Variants in LRP1B observed in about 807,000 individuals in gnomAD.
LRP1B encodes the protein low-density lipoprotein receptor-related protein 1B.
A neutral mutation model predicts 556.6 loss-of-function variants in LRP1B; 217 were observed. That is an observed-to-expected ratio of 0.39 (90% CI 0.35 to 0.44). LRP1B has a LOEUF of 0.44. Among genes scored for constraint, LRP1B ranks in the 20% least tolerant of loss-of-function variants. The pLI is 1.00. For synonymous variants in LRP1B, 2,047 were observed against 1,865.8 expected (o/e 1.10, Z -2.50); for missense variants, 5,053 against 5,620.8 (o/e 0.90, Z 3.23).
rs1437631430 is a variant in LRP1B, at chr2:140,231,967, A to G, written c.*1219T>C. On this transcript the variant is annotated 3_prime_UTR_variant, in exon 91 of 91. Transcript: ENST00000389484. The stretch of plus-strand genomic sequence containing the variant: ...TCGTTTCAACTCAAATTTGAAGATA[A>G]ACAAACCAAACGTGAATGGGGTCCA... The G allele has an allele frequency of 6.6e-6, 1 of 151,750 alleles. No homozygotes were observed. The highest frequency in any genetic ancestry group is 2.0e-4 in the East Asian group (1 of 5,088). The allele number at this position is 151,750 out of a possible 1,614,324, so 9.4% of individuals were successfully genotyped here. A position where few individuals can be genotyped will look rare whatever the true frequency, so the allele number is the denominator to read the frequency against.
intron 3 of LRP1B, among the ~76,000 whole-genome samples, chr2:141,477,438 G>A (rs937115106): frequency 3.9e-5 from 6 of 152,096 alleles, no homozygotes; most frequent in Admixed American, 3.9e-4. Flanking sequence ...AACTCTCCAG[G>A]AAACAATGTT....
chr2:140,274,341 C>A, intron 85 of LRP1B, 83 bp downstream of exon 85: 1 of 1,239,938 alleles, frequency 8.1e-7, no homozygotes, highest in Non-Finnish European at 1.2e-6. Context: ...AAACAATCTA[C>A]AAAGTTTTTA....
chr2:141,224,471 C>G (rs1289704437), intron 6 of LRP1B, among the ~76,000 whole-genome samples: 2 of 152,150 alleles, frequency 1.3e-5, no homozygotes, highest in African/African-American at 4.8e-5. Context: ...ACCCGGCAAT[C>G]CCATTACTGG....
intron 81 of LRP1B, among the ~76,000 whole-genome samples, 186 bp downstream of exon 81, chr2:140,323,707 T>G (rs900150319): frequency 1.3e-5 from 2 of 151,966 alleles, no homozygotes; most frequent in African/African-American, 4.8e-5. Flanking sequence ...TTTTCCCAAT[T>G]ACAGCAGAAA....
chr2:141,768,899 T>C (rs1694813977), intron 2 of LRP1B, among the ~76,000 whole-genome samples: 1 of 151,778 alleles, frequency 6.6e-6, no homozygotes, highest in Non-Finnish European at 1.5e-5. Context: ...GCATGTGTGG[T>C]CATTTAATAT....
chr2:140,962,673 A>T (rs1388600310), intron 18 of LRP1B, among the ~76,000 whole-genome samples: 1 of 152,200 alleles, frequency 6.6e-6, no homozygotes, highest in Non-Finnish European at 1.5e-5. Context: ...AGATTTCATC[A>T]AAGCAATGAG....
intron 7 of LRP1B, among the ~76,000 whole-genome samples, chr2:141,104,545 C>G (rs142398053): frequency 1.1e-4 from 17 of 152,144 alleles, no homozygotes; most frequent in African/African-American, 3.6e-4. Context: ...GGAATAGTCT[C>G]TCTTATTGTG....
chr2:141,794,150 C>T (rs1157851265), intron 2 of LRP1B, among the ~76,000 whole-genome samples: 1 of 151,872 alleles, frequency 6.6e-6, no homozygotes, highest in Non-Finnish European at 1.5e-5. Context: ...CCCCCCACAT[C>T]TTGAATGTGG....
chr2:140,543,962 A>T (rs1680229087), intron 43 of LRP1B, among the ~76,000 whole-genome samples: 1 of 152,102 alleles, frequency 6.6e-6, no homozygotes, highest in South Asian at 2.1e-4. Context: ...ATATGAAAAC[A>T]TGTACAAGAA....
intron 1 of LRP1B, among the ~76,000 whole-genome samples, chr2:141,937,564 C>T (rs115760434): frequency 7.9e-5 from 12 of 151,260 alleles, no homozygotes; most frequent in African/African-American, 2.9e-4. Context: ...GAAATCCCAA[C>T]AGATGTATGT....
intron 2 of LRP1B, among the ~76,000 whole-genome samples, chr2:141,632,607 C>G (rs954731359): frequency 2.0e-5 from 3 of 152,080 alleles, no homozygotes; most frequent in Non-Finnish European, 4.4e-5. Context: ...TTTCTAACTA[C>G]AAATAAGCTG....
chr2:141,330,700 T>C (rs532802038), intron 3 of LRP1B, among the ~76,000 whole-genome samples: 2 of 152,148 alleles, frequency 1.3e-5, no homozygotes, highest in South Asian at 4.1e-4. Context: ...AGAAGGTCTG[T>C]AGACCACTTA....
intron 43 of LRP1B, among the ~76,000 whole-genome samples, chr2:140,590,353 A>ATG (rs1682169484): frequency 6.7e-6 from 1 of 149,392 alleles, no homozygotes. Context: ...GTATATATAT[A>ATG]TATAGATGAA....
At chr2:140,485,319 A>G (rs758008526) in intron 59 of LRP1B, 24 bp downstream of exon 59, 1 of 1,586,376 alleles carries the variant, frequency 6.3e-7, no homozygotes, top group Non-Finnish European at 8.6e-7. Context: ...TTAAACTTTA[A>G]GATTTTTAAC....
At chr2:141,409,596 T>C (rs546029927) in intron 3 of LRP1B, among the ~76,000 whole-genome samples, 3 of 152,228 alleles carry the variant, frequency 2.0e-5, no homozygotes, top group Admixed American at 2.0e-4. Flanking sequence ...GTGGAAAATA[T>C]GTACATCTGT....
chr2:141,472,131 C>A (rs952713563), intron 3 of LRP1B, among the ~76,000 whole-genome samples: 1 of 152,154 alleles, frequency 6.6e-6, no homozygotes, highest in Non-Finnish European at 1.5e-5. Context: ...GTTGTTTGCA[C>A]CAAGGGGTAA....
chr2:140,823,083 T>C (rs142693744), intron 31 of LRP1B, among the ~76,000 whole-genome samples: 11 of 152,250 alleles, frequency 7.2e-5, no homozygotes, highest in African/African-American at 2.6e-4. Context: ...AAGATCTCAA[T>C]AAGTGCATGC....
At chr2:141,016,834 C>T (rs146326525) in intron 12 of LRP1B, among the ~76,000 whole-genome samples, 1 of 152,130 alleles carries the variant, frequency 6.6e-6, no homozygotes, top group East Asian at 1.9e-4. Flanking sequence ...GCTGCTGACC[C>T]TTGAAATACC....
At chr2:141,483,089 A>G (rs112066318) in intron 2 of LRP1B, among the ~76,000 whole-genome samples, 44,479 of 145,686 alleles carry the variant, frequency 0.31, 7,763 homozygotes, top group Non-Finnish European at 0.39. Context: ...CATTAGGTGT[A>G]TCTCCTAATG....
Sources: gnomAD v4.1 joint callset for allele counts (sites outside exome capture counted in the v4.1 genomes callset) on GRCh38, gnomAD v4.1.1 for gene constraint, MANE v1.5 for transcripts, NCBI Gene and HGNC (gene_info 2026-07-23, HGNC 2026-07-21) for gene names.